The following TNNI3K variants were observed in gnomAD, a reference collection of about 807,000 sequenced individuals.
TNNI3K encodes the protein serine/threonine-protein kinase TNNI3K.
A neutral mutation model predicts 114.5 loss-of-function variants in TNNI3K; 140 were observed. That is an observed-to-expected ratio of 1.22 (90% CI 1.07 to 1.41). The LOEUF is 1.41. Ranked by LOEUF, TNNI3K falls within the 40% of genes most tolerant of loss-of-function variation. TNNI3K has a pLI of 0.00. For synonymous variants in TNNI3K, 347 were observed against 347.5 expected (o/e 1.00, Z 0.02); for missense variants, 1,125 against 1,007.6 (o/e 1.12, Z -1.58).
chr1:74,304,172 A>C (rs535089847), intron 5 of TNNI3K, among the ~76,000 whole-genome samples: 1 of 152,308 alleles, frequency 6.6e-6, no homozygotes, highest in East Asian at 1.9e-4. Context: ...AATTGACCCA[A>C]ATTTTGAAAG....
chr1:74,308,191 G>A (rs759800352), intron 5 of TNNI3K, among the ~76,000 whole-genome samples: 104 of 152,052 alleles, frequency 6.8e-4, no homozygotes, highest in East Asian at 1.2e-3. Flanking sequence ...AGAATAAGCC[G>A]CCTATCAACC....
intron 20 of TNNI3K, among the ~76,000 whole-genome samples, chr1:74,461,497 A>AAGTC (rs1553149093): frequency 3.8e-4 from 58 of 151,664 alleles, no homozygotes; most frequent in African/African-American, 1.3e-3. Context: ...AAAAAAAAAA[A>AAGTC]AAGAGTAACC....
At chr1:74,256,034 A>T (rs1655268738) in intron 4 of TNNI3K, among the ~76,000 whole-genome samples, 1 of 152,186 alleles carries the variant, frequency 6.6e-6, no homozygotes, top group African/African-American at 2.4e-5. Flanking sequence ...ACATTTTCCC[A>T]GATTTTGACC....
intron 20 of TNNI3K, among the ~76,000 whole-genome samples, chr1:74,442,353 C>G (rs1052523822): frequency 1.3e-5 from 2 of 152,038 alleles, no homozygotes; most frequent in African/African-American, 4.8e-5. Flanking sequence ...ACCACACTAT[C>G]TTACTATATT....
chr1:74,489,379 A>G, intron 22 of TNNI3K, 131 bp downstream of exon 22: 1 of 844,726 alleles, frequency 1.2e-6, no homozygotes, highest in East Asian at 2.9e-5. Flanking sequence ...TATTTGCCCT[A>G]TTCATTAAAT....
intron 23 of TNNI3K, among the ~76,000 whole-genome samples, chr1:74,507,742 C>T (rs992604487): frequency 2.6e-5 from 4 of 152,212 alleles, no homozygotes; most frequent in African/African-American, 9.7e-5. Context: ...GTATTCCCTA[C>T]TAATATGGTA....
intron 11 of TNNI3K, among the ~76,000 whole-genome samples, chr1:74,354,502 G>T (rs45582436): frequency 2.3e-3 from 347 of 152,090 alleles, no homozygotes; most frequent in African/African-American, 8.0e-3. Context: ...AAGTACAAGG[G>T]GGGGGGAAAG....
chr1:74,258,918 C>G (rs1263335169), intron 4 of TNNI3K, among the ~76,000 whole-genome samples: 1 of 152,118 alleles, frequency 6.6e-6, no homozygotes, highest in Non-Finnish European at 1.5e-5. Context: ...TTTTAACAAA[C>G]AACCTAGGAA....
At chr1:74,243,074 A>G (rs1654346987) in intron 2 of TNNI3K, among the ~76,000 whole-genome samples, 1 of 152,324 alleles carries the variant, frequency 6.6e-6, no homozygotes, top group South Asian at 2.1e-4. Context: ...TATAGCAGCT[A>G]ATATTTATAA....
intron 4 of TNNI3K, among the ~76,000 whole-genome samples, chr1:74,262,405 T>C (rs1251460354): frequency 6.6e-6 from 1 of 152,126 alleles, no homozygotes; most frequent in East Asian, 1.9e-4. Flanking sequence ...AGAGGACAGA[T>C]TTCAATATTC....
At chr1:74,313,948 C>T (rs1446196921) in intron 5 of TNNI3K, among the ~76,000 whole-genome samples, 1 of 151,208 alleles carries the variant, frequency 6.6e-6, no homozygotes, top group Non-Finnish European at 1.5e-5. Context: ...AAATTTTAAC[C>T]TCTGATAAGA....
intron 6 of TNNI3K, among the ~76,000 whole-genome samples, chr1:74,332,700 G>A (rs1269907684): frequency 1.3e-5 from 2 of 152,092 alleles, no homozygotes; most frequent in Admixed American, 1.3e-4. Flanking sequence ...GCTGGAATAT[G>A]TACTCAGTTC....
At chr1:74,505,117 C>G (rs943845855) in intron 23 of TNNI3K, among the ~76,000 whole-genome samples, 1 of 152,136 alleles carries the variant, frequency 6.6e-6, no homozygotes, top group African/African-American at 2.4e-5. Flanking sequence ...GGGCCCGGGC[C>G]CACTCTTAAG....
chr1:74,366,246 A>T (rs1248759066), intron 11 of TNNI3K, among the ~76,000 whole-genome samples: 1 of 152,030 alleles, frequency 6.6e-6, no homozygotes, highest in Admixed American at 6.6e-5. Context: ...CACAAATCCT[A>T]TGGCAACATC....
At chr1:74,357,755 TAG>T (rs1661739978) in intron 11 of TNNI3K, among the ~76,000 whole-genome samples, 1 of 152,114 alleles carries the variant, frequency 6.6e-6, no homozygotes, top group Non-Finnish European at 1.5e-5. Flanking sequence ...TTACAATATT[TAG>T]AGTGTCTCCC....
In TNNI3K at chr1:74,249,523, C is replaced by G; in HGVS notation, c.214C>G (p.His72Asp). Reference sequence around the variant, plus strand: ...CACTGAAAATGGGCTGTCTCTACTTCATTTATGTTGCATTTGTGGAGGTGA... The same window carrying G: ...CACTGAAAATGGGCTGTCTCTACTTGATTTATGTTGCATTTGTGGAGGTGA... ...YRTENGLSLL[H>D]LCCICGGKKS... The change falls in exon 3 of 25, where the codon CAT becomes GAT. Residue 72 changes from histidine (H) to aspartate (D), a missense_variant. By Grantham distance (81) the His-to-Asp change is moderately conservative. Transcript: ENST00000326637. 1 of 1,613,384 alleles carries G rather than the reference C, an allele frequency of 6.2e-7. No individual in the cohort carries two copies. Among genetic ancestry groups the G allele is most frequent in the Non-Finnish European group, 8.5e-7 (1 of 1,179,704 alleles).
chr1:74,461,276 C>T (rs1329077224), intron 20 of TNNI3K, among the ~76,000 whole-genome samples: 2 of 152,150 alleles, frequency 1.3e-5, no homozygotes, highest in African/African-American at 4.8e-5. Context: ...GTCAGGAGAT[C>T]GAGACCATCC....
At chr1:74,252,458 T>A (rs1383173972) in intron 4 of TNNI3K, among the ~76,000 whole-genome samples, 2 of 152,254 alleles carry the variant, frequency 1.3e-5, no homozygotes, top group Non-Finnish European at 2.9e-5. Flanking sequence ...CTATTTCATT[T>A]TAAACACAAA....
At chr1:74,376,874 G>A (rs1234642425) in intron 17 of TNNI3K, 3 of 146,054 alleles carry the variant, frequency 2.1e-5, no homozygotes, top group Non-Finnish European at 3.1e-5. Context: ...GATTCAGCAT[G>A]TCTTACGTTG....
Sources: allele counts gnomAD v4.1 joint callset (sites outside exome capture counted in the v4.1 genomes callset), GRCh38; gene constraint gnomAD v4.1.1; transcripts MANE v1.5; gene names NCBI Gene and HGNC (gene_info 2026-07-23, HGNC 2026-07-21).